Variants in TENM3 observed in about 807,000 individuals in gnomAD.
TENM3 encodes the protein teneurin transmembrane protein 3.
Under a neutral mutation model 255.1 loss-of-function variants are expected in TENM3, and 63 were observed. That is an observed-to-expected ratio of 0.25 (90% confidence interval 0.20 to 0.30). The LOEUF is 0.30. Ranked by LOEUF, TENM3 falls within the 10% of genes least tolerant of loss-of-function variation. The pLI is 1.00. For missense variants in TENM3, 2,929 were observed against 3,461.1 expected (o/e 0.85, Z 3.86); for synonymous variants, 1,306 against 1,322.3 (o/e 0.99, Z 0.27).
chr4:182,753,114 T>C (rs989325039), intron 20 of TENM3, among the ~76,000 whole-genome samples: 11 of 151,974 alleles, frequency 7.2e-5, no homozygotes, highest in Admixed American at 5.9e-4. Flanking sequence ...ACCCAGTTTT[T>C]TTGTGTGTTT....
the TENM3 span, among the ~76,000 whole-genome samples, chr4:181,569,406 C>A: frequency 1.3e-5 from 2 of 152,054 alleles, no homozygotes; most frequent in African/African-American, 4.8e-5. Context: ...AGTGTTGTGC[C>A]TTTGTGTGTA....
the TENM3 span, among the ~76,000 whole-genome samples, chr4:182,066,637 G>C: frequency 6.6e-6 from 1 of 150,396 alleles, no homozygotes; most frequent in African/African-American, 2.4e-5. Flanking sequence ...TGGGCCAGGC[G>C]CGGTGGCTCA....
chr4:182,671,807 C>T (rs538334901), intron 6 of TENM3, among the ~76,000 whole-genome samples: 2 of 152,306 alleles, frequency 1.3e-5, no homozygotes, highest in South Asian at 4.1e-4. Context: ...GACTTAAAAT[C>T]ACTTCCTCTG....
At chr4:181,568,986 G>A in the TENM3 span, among the ~76,000 whole-genome samples, 2 of 152,308 alleles carry the variant, frequency 1.3e-5, no homozygotes, top group Non-Finnish European at 1.5e-5. Flanking sequence ...AACAGAGTTG[G>A]CACTTAAAAA....
intron 3 of TENM3, among the ~76,000 whole-genome samples, chr4:182,587,162 C>T (rs919201773): frequency 1.3e-5 from 2 of 151,984 alleles, no homozygotes; most frequent in Non-Finnish European, 2.9e-5. Flanking sequence ...ATGATCATGG[C>T]TCACCGTAGC....
chr4:181,805,892 T>C, the TENM3 span, among the ~76,000 whole-genome samples: 4 of 152,148 alleles, frequency 2.6e-5, no homozygotes, highest in African/African-American at 9.7e-5. Context: ...CAGCTCTCCA[T>C]CTGTGGAAGA....
chr4:182,572,198 G>A (rs1044666006), intron 3 of TENM3, among the ~76,000 whole-genome samples: 4 of 152,154 alleles, frequency 2.6e-5, no homozygotes, highest in Admixed American at 6.5e-5. Flanking sequence ...CACTGCGCCC[G>A]GCCAATATTA....
chr4:182,764,425 G>A (rs1763496575), intron 22 of TENM3, among the ~76,000 whole-genome samples: 2 of 152,204 alleles, frequency 1.3e-5, no homozygotes, highest in Non-Finnish European at 2.9e-5. Context: ...GATAAGAATG[G>A]TAAGTGCTAA....
At chr4:182,719,262 T>C (rs1235233834) in intron 13 of TENM3, among the ~76,000 whole-genome samples, 9 of 127,748 alleles carry the variant, frequency 7.0e-5, no homozygotes, top group Non-Finnish European at 6.6e-5. Context: ...CTTTTTTTTT[T>C]TTTTTTTTTT....
the TENM3 span, among the ~76,000 whole-genome samples, chr4:181,508,288 C>G: frequency 1.2e-4 from 19 of 152,194 alleles, no homozygotes; most frequent in African/African-American, 4.1e-4. Context: ...GCTTTGATCT[C>G]TTTTCAGACA....
intron 22 of TENM3, among the ~76,000 whole-genome samples, chr4:182,772,761 T>TAAA (rs144645483): frequency 1.4e-5 from 2 of 148,046 alleles, no homozygotes; most frequent in African/African-American, 4.9e-5. Context: ...AGTAAGTGTG[T>TAAA]AAAAAAAAAA....
chr4:182,667,642 G>A (rs13122489), intron 6 of TENM3, among the ~76,000 whole-genome samples: 2 of 151,944 alleles, frequency 1.3e-5, no homozygotes, highest in Admixed American at 1.3e-4. Context: ...TTGACAACGG[G>A]AATAAATAAA....
intron 1 of TENM3, among the ~76,000 whole-genome samples, chr4:182,291,444 T>C (rs1044174459): frequency 3.9e-5 from 6 of 152,006 alleles, no homozygotes; most frequent in African/African-American, 1.5e-4. Flanking sequence ...TCATAGGAAA[T>C]AAGGCGCACA....
At chr4:182,477,527 A>G (rs945798095) in intron 3 of TENM3, among the ~76,000 whole-genome samples, 2 of 152,176 alleles carry the variant, frequency 1.3e-5, no homozygotes, top group Admixed American at 6.5e-5. Context: ...GGGTCTGCAT[A>G]GGGCCCTCCC....
the TENM3 span, among the ~76,000 whole-genome samples, chr4:181,542,201 C>T: frequency 5.9e-5 from 9 of 152,200 alleles, no homozygotes; most frequent in Admixed American, 2.6e-4. Flanking sequence ...ATGAGAATAA[C>T]GTATTCAAAG....
chr4:181,892,827 T>A, the TENM3 span, among the ~76,000 whole-genome samples: 4 of 152,308 alleles, frequency 2.6e-5, no homozygotes, highest in South Asian at 8.3e-4. Flanking sequence ...TCTATACATT[T>A]TATAGGTTGC....
At chr4:182,712,293 A>G (rs1758804697) in intron 12 of TENM3, among the ~76,000 whole-genome samples, 1 of 152,142 alleles carries the variant, frequency 6.6e-6, no homozygotes, top group South Asian at 2.1e-4. Context: ...CCTACTTTCT[A>G]TTCCTTGTTT....
intron 3 of TENM3, among the ~76,000 whole-genome samples, chr4:182,581,442 T>C (rs1015659929): frequency 6.6e-6 from 1 of 152,084 alleles, no homozygotes; most frequent in Non-Finnish European, 1.5e-5. Context: ...CCCTTAAGAA[T>C]ATTAGGAAAA....
At chr4:182,437,309 G>A (rs1772121608) in intron 3 of TENM3, among the ~76,000 whole-genome samples, 3 of 152,136 alleles carry the variant, frequency 2.0e-5, no homozygotes, top group South Asian at 2.1e-4. Flanking sequence ...ACAAACTCAG[G>A]AGGGTAGAAA....
Sources: gnomAD v4.1 joint callset for allele counts (sites outside exome capture counted in the v4.1 genomes callset) on GRCh38, gnomAD v4.1.1 for gene constraint, MANE v1.5 for transcripts, NCBI Gene and HGNC (gene_info 2026-07-23, HGNC 2026-07-21) for gene names.